The following NIBAN1 variants were observed in gnomAD, a reference collection of about 807,000 sequenced individuals.
NIBAN1 encodes protein Niban 1.
Under a neutral mutation model 75.1 loss-of-function variants are expected in NIBAN1, and 81 were observed. The observed-to-expected ratio is 1.08, with a 90% CI of 0.90 to 1.30. The LOEUF is 1.30. NIBAN1 is among the 50% of genes most tolerant of loss of function. The probability of loss-of-function intolerance (pLI) is 0.00; values close to 1 mark genes in which losing one functional copy is unlikely to be tolerated. For missense variants in NIBAN1, 1,133 were observed against 1,128.1 expected (o/e 1.00, Z -0.06); for synonymous variants, 436 against 424.8 (o/e 1.03, Z -0.32).
chr1:184,914,762 C>T (rs1657339643), intron 1 of NIBAN1, among the ~76,000 whole-genome samples: 1 of 151,272 alleles, frequency 6.6e-6, no homozygotes, highest in East Asian at 1.9e-4. Context: ...GCTCTGTCAC[C>T]CAGGCTGGAG....
intron 5 of NIBAN1, among the ~76,000 whole-genome samples, chr1:184,861,362 T>C (rs576497740): frequency 6.6e-5 from 10 of 152,336 alleles, no homozygotes; most frequent in African/African-American, 2.4e-4. Context: ...TTTTTTTCTT[T>C]ATTATTACTA....
At position 184,961,043 on chromosome 1, in the gene NIBAN1, T is replaced by C. The variant is rs185255652; in HGVS notation, c.55+13259A>G. Among the ~76,000 whole-genome samples the C allele has an allele frequency of 1.7e-3, 240 of 143,994 alleles. 5 individuals carry two copies. In the East Asian group the frequency reaches 0.044, roughly 26 times the overall value. 94.5% of individuals were successfully genotyped at this position (143,994 alleles called of 152,430 possible). ...TTCAAGTACTTCCCCCTCCTCCCCCTTCTATATGCCGTTCTTTTTTTTTTT... is the reference window on the plus strand; with the variant it reads ...TTCAAGTACTTCCCCCTCCTCCCCCCTCTATATGCCGTTCTTTTTTTTTTT... On this transcript the variant is annotated intron_variant, in intron 1 of 13. Coordinates refer to ENST00000367511, the MANE Select transcript of NIBAN1 (RefSeq NM_052966.4).
At chr1:184,947,320 G>A (rs140629971) in intron 1 of NIBAN1, among the ~76,000 whole-genome samples, 79 of 152,198 alleles carry the variant, frequency 5.2e-4, no homozygotes, top group African/African-American at 1.8e-3. Flanking sequence ...ATTATTTAGC[G>A]GTATGAGGTA....
rs1655008902 is a variant in NIBAN1, at chr1:184,831,890, C to T, written c.674G>A (p.Gly225Asp). 1 of 1,614,140 alleles carries T rather than the reference C, an allele frequency of 6.2e-7. No individual in the cohort carries two copies. Among genetic ancestry groups the T allele is most frequent in the Non-Finnish European group, 8.5e-7 (1 of 1,179,994 alleles). Residue 225 changes from glycine (G) to aspartate (D), a missense_variant, in exon 6 of 14, where the codon GGT becomes GAT. Gly to Asp is a moderately conservative substitution (Grantham distance 94, BLOSUM62 -1). Transcript: ENST00000367511. ...GATCATTTCCCAGGAACCATAGTGA[C>T]CCTTCTCCTGTCGGAAGAATTGCAC... ...EAVQFFRQEK[G>D]HYGSWEMITG... is the part of the protein sequence containing the mutation.
At chr1:184,797,936 T>C in intron 13 of NIBAN1, 143 bp downstream of exon 13, 2 of 468,588 alleles carry the variant, frequency 4.3e-6, no homozygotes, top group South Asian at 4.5e-5. Context: ...CTTCTTTCCT[T>C]CCCTCTCCTC....
intron 9 of NIBAN1, among the ~76,000 whole-genome samples, chr1:184,812,885 T>C (rs1199038129): frequency 1.3e-5 from 2 of 152,242 alleles, no homozygotes; most frequent in East Asian, 1.9e-4. Context: ...TTCTCCTCCA[T>C]GGACTATCTT....
Position 184,794,061 on chromosome 1 carries a change from T to G in NIBAN1, c.*916A>C, listed in dbSNP as rs915988513. On this transcript the variant is annotated 3_prime_UTR_variant, in exon 14 of 14. Transcript: ENST00000367511. ...GCATATGTTCTCTTCCAGATTAAAT[T>G]CCCTTGGACCTTTTAATTTATGCTA... The G allele has an allele frequency of 3.3e-5, 5 of 152,240 alleles. No homozygotes were observed. The South Asian group carries it at 1.0e-3, about 31-fold the overall frequency. 9.4% of individuals were successfully genotyped at this position (152,240 alleles called of 1,614,324 possible).
intron 5 of NIBAN1, among the ~76,000 whole-genome samples, chr1:184,879,120 G>T (rs997674802): frequency 1.3e-5 from 2 of 152,114 alleles, no homozygotes; most frequent in Non-Finnish European, 2.9e-5. Context: ...GATATTCCTA[G>T]GAAAACAGGA....
chr1:184,963,495 TAC>T (rs1658703364), intron 1 of NIBAN1, among the ~76,000 whole-genome samples: 1 of 152,082 alleles, frequency 6.6e-6, no homozygotes, highest in African/African-American at 2.4e-5. Context: ...TTGCAGATAA[TAC>T]ATGCACACAA....
At chr1:184,797,300 C>A (rs945434702) in intron 13 of NIBAN1, among the ~76,000 whole-genome samples, 1 of 151,958 alleles carries the variant, frequency 6.6e-6, no homozygotes, top group African/African-American at 2.4e-5. Context: ...CCACCATGCC[C>A]AGCTAATTTT....
intron 5 of NIBAN1, among the ~76,000 whole-genome samples, chr1:184,840,035 C>T (rs762799514): frequency 6.6e-6 from 1 of 152,008 alleles, no homozygotes; most frequent in Non-Finnish European, 1.5e-5. Context: ...GACTGAGGGC[C>T]ACATAGGGTG....
intron 2 of NIBAN1, among the ~76,000 whole-genome samples, chr1:184,896,220 T>C (rs1656798121): frequency 6.6e-6 from 1 of 152,190 alleles, no homozygotes; most frequent in Admixed American, 6.5e-5. Context: ...ACATCATCTG[T>C]TATTTTTTGA....
chr1:184,853,235 G>A (rs1192228469), intron 5 of NIBAN1, among the ~76,000 whole-genome samples: 6 of 152,024 alleles, frequency 3.9e-5, no homozygotes, highest in South Asian at 2.1e-4. Flanking sequence ...TTACTATTTC[G>A]GGTGTTTATT....
rs139281248 is a variant in NIBAN1, at chr1:184,823,215, T to C, written c.937A>G (p.Met313Val). The change falls in exon 8 of 14, where the codon ATG becomes GTG. Residue 313 changes from methionine (M) to valine (V), a missense_variant. Transcript: ENST00000367511. Reference protein sequence around the residue: ...KGLEGTIRSDMDQIVNSKNYL... With the variant: ...KGLEGTIRSDVDQIVNSKNYL... ...TTCTTTGAGTTCACAATCTGATCCATGTCAGAACGGATCGTTCCTTCCAGG... is the reference window on the plus strand; with the variant it reads ...TTCTTTGAGTTCACAATCTGATCCACGTCAGAACGGATCGTTCCTTCCAGG... 11 of 1,614,138 alleles carry C rather than the reference T, an allele frequency of 6.8e-6. No homozygotes were observed. The highest frequency in any genetic ancestry group is 2.2e-5 in the East Asian group (1 of 44,902).
intron 5 of NIBAN1, among the ~76,000 whole-genome samples, chr1:184,868,732 AT>A (rs138162068): frequency 0.14 from 16,611 of 116,154 alleles, 2,638 homozygotes; most frequent in African/African-American, 0.44. Context: ...ATGAGATTAG[AT>A]TTTTTTTAAA....
At chr1:184,969,382 C>T (rs1312060001) in intron 1 of NIBAN1, among the ~76,000 whole-genome samples, 1 of 152,172 alleles carries the variant, frequency 6.6e-6, no homozygotes, top group Non-Finnish European at 1.5e-5. Flanking sequence ...GGCTAGCTCC[C>T]CTCCTGCTCA....
At chr1:184,830,810 G>T (rs1654977205) in intron 6 of NIBAN1, among the ~76,000 whole-genome samples, 1 of 152,050 alleles carries the variant, frequency 6.6e-6, no homozygotes, top group South Asian at 2.1e-4. Context: ...AGACTAGCCT[G>T]GCCAACATGG....
At chr1:184,898,921 A>G (rs144976824) in intron 2 of NIBAN1, among the ~76,000 whole-genome samples, 211 of 152,360 alleles carry the variant, frequency 1.4e-3, no homozygotes, top group Non-Finnish European at 1.7e-3. Flanking sequence ...AAATTTTCTT[A>G]GACAAACAAA....
At chr1:184,865,514 G>T (rs1447811707) in intron 5 of NIBAN1, among the ~76,000 whole-genome samples, 1 of 151,948 alleles carries the variant, frequency 6.6e-6, no homozygotes, top group Non-Finnish European at 1.5e-5. Flanking sequence ...CAGTACTTGG[G>T]TAACGAGACC....
Sources: allele counts gnomAD v4.1 joint callset (sites outside exome capture counted in the v4.1 genomes callset), GRCh38; gene constraint gnomAD v4.1.1; transcripts MANE v1.5; gene names NCBI Gene and HGNC (gene_info 2026-07-23, HGNC 2026-07-21).